Variants in GYPC observed in about 807,000 individuals in gnomAD.
GYPC encodes glycophorin-C.
Under a neutral mutation model 12.6 loss-of-function variants are expected in GYPC, and 14 were observed. The ratio of observed to expected loss-of-function variants is 1.11; its 90% confidence interval spans 0.74 to 1.74. The LOEUF (loss-of-function observed/expected upper bound fraction) is 1.74. GYPC is among the 40% of genes most tolerant of loss of function. The probability of loss-of-function intolerance (pLI) is 0.00; values close to 1 mark genes in which losing one functional copy is unlikely to be tolerated. For synonymous variants in GYPC, 78 were observed against 62.1 expected (o/e 1.26, Z -1.20); for missense variants, 225 against 172.1 (o/e 1.31, Z -1.72).
intron 1 of GYPC, chr2:126,678,868 CT>C (rs1303017316): frequency 6.6e-6 from 1 of 152,270 alleles, no homozygotes; most frequent in Non-Finnish European, 1.5e-5. Flanking sequence ...CCTGCCGCCC[CT>C]GCGGTCCTGC....
intron 1 of GYPC, among the ~76,000 whole-genome samples, chr2:126,662,014 C>G (rs556367982): frequency 6.6e-6 from 1 of 152,364 alleles, no homozygotes; most frequent in South Asian, 2.1e-4. Flanking sequence ...GGGCGCCTCA[C>G]ACCCGCTGCT....
Position 126,666,708 on chromosome 2 carries a change from TACACACACACACACACACACACAC to T in GYPC, c.49+10422_49+10445del, listed in dbSNP as rs67904410. Among the ~76,000 whole-genome samples the T allele has an allele frequency of 7.8e-4, 93 of 118,544 alleles. No individual in the cohort carries two copies. In the Middle Eastern group the frequency reaches 0.013, roughly 16 times the overall value. The allele number at this position is 118,544 out of a possible 152,430, so 77.8% of individuals were successfully genotyped here. A position where few individuals can be genotyped will look rare whatever the true frequency, so the allele number is the denominator to read the frequency against. ...CTCCTGCCCCCCTCCCCTCCCTCCC[TACACACACACACACACACACACAC>T]ACACACACACACACACACACACACA... On this transcript the variant is annotated intron_variant, in intron 1 of 3. Coordinates refer to ENST00000259254, the MANE Select transcript of GYPC (RefSeq NM_002101.5).
At position 126,696,136 on chromosome 2, in the gene GYPC, T is replaced by C. The variant is rs1246756447; in HGVS notation, c.381T>C (p.Phe127=). ...GTGATAGCAGCAGAAAGGAGTACTT[T>C]ATTTGAGGGACAACAGACTTCACTT... The part of the protein sequence containing the change: ...DAGDSSRKEY[F]I Residue 127 remains phenylalanine (F), a synonymous_variant, in exon 4 of 4, where the codon TTT becomes TTC. Transcript: ENST00000259254. The C allele has an allele frequency of 6.2e-7, 1 of 1,612,316 alleles. No homozygotes were observed. Among genetic ancestry groups the C allele is most frequent in the Non-Finnish European group, 8.5e-7 (1 of 1,178,520 alleles).
chr2:126,687,981 A>T (rs1045180541), intron 1 of GYPC, among the ~76,000 whole-genome samples: 2 of 152,210 alleles, frequency 1.3e-5, no homozygotes, highest in African/African-American at 4.8e-5. Context: ...CAGGGCTTCA[A>T]ATGATTGACT....
At chr2:126,669,053 T>C (rs905888390) in intron 1 of GYPC, among the ~76,000 whole-genome samples, 8 of 152,220 alleles carry the variant, frequency 5.3e-5, no homozygotes, top group African/African-American at 1.9e-4. Context: ...GGTGCTTTTC[T>C]AGCTAATAGG....
intron 1 of GYPC, among the ~76,000 whole-genome samples, chr2:126,677,478 C>A: frequency 8.1e-6 from 1 of 123,476 alleles, no homozygotes; most frequent in African/African-American, 3.7e-5. Flanking sequence ...TGTGTGTGAG[C>A]ACGTGTGAGT....
intron 3 of GYPC, among the ~76,000 whole-genome samples, chr2:126,694,846 A>C (rs896559361): frequency 6.6e-5 from 10 of 150,940 alleles, no homozygotes; most frequent in Admixed American, 6.6e-4. Flanking sequence ...GCCCAAACTC[A>C]AAACACCCCC....
intron 1 of GYPC, among the ~76,000 whole-genome samples, chr2:126,687,129 C>G (rs1409502021): frequency 6.6e-6 from 1 of 152,166 alleles, no homozygotes; most frequent in African/African-American, 2.4e-5. Context: ...AGCCTTGGAG[C>G]CGTGGATGGC....
intron 2 of GYPC, among the ~76,000 whole-genome samples, chr2:126,691,770 G>A (rs1360562398): frequency 6.6e-6 from 1 of 152,178 alleles, no homozygotes; most frequent in East Asian, 1.9e-4. Context: ...GCGATTGTTA[G>A]TTGTTTTAAA....
At chr2:126,667,402 T>G (rs902342363) in intron 1 of GYPC, among the ~76,000 whole-genome samples, 1 of 151,832 alleles carries the variant, frequency 6.6e-6, no homozygotes, top group African/African-American at 2.4e-5. Context: ...ATCTTTTTTT[T>G]TTCTTTTTTT....
intron 1 of GYPC, among the ~76,000 whole-genome samples, chr2:126,666,128 G>A (rs1017040634): frequency 5.9e-5 from 9 of 152,228 alleles, no homozygotes; most frequent in Non-Finnish European, 1.3e-4. Flanking sequence ...CAGCAGCTGC[G>A]AATGCAGTGC....
intron 1 of GYPC, among the ~76,000 whole-genome samples, chr2:126,687,556 G>A (rs1022790649): frequency 6.6e-6 from 1 of 152,226 alleles, no homozygotes; most frequent in Non-Finnish European, 1.5e-5. Context: ...GGGCTGAAAT[G>A]TCACTCCCCT....
At chr2:126,677,468 T>C (rs1683030211) in intron 1 of GYPC, among the ~76,000 whole-genome samples, 1 of 149,204 alleles carries the variant, frequency 6.7e-6, no homozygotes, top group Non-Finnish European at 1.5e-5. Context: ...TGTGACAGTG[T>C]GTGTGTGAGC....
intron 1 of GYPC, among the ~76,000 whole-genome samples, chr2:126,667,391 T>G (rs1212134413): frequency 6.6e-6 from 1 of 151,930 alleles, no homozygotes; most frequent in Non-Finnish European, 1.5e-5. Context: ...ATGATCTGGA[T>G]ATCTTTTTTT....
chr2:126,672,699 G>A (rs1236976732), intron 1 of GYPC, among the ~76,000 whole-genome samples: 1 of 152,102 alleles, frequency 6.6e-6, no homozygotes, highest in African/African-American at 2.4e-5. Context: ...CAGGGTGGAG[G>A]GGCTGGCCCA....
Position 126,674,198 on chromosome 2 carries a change from G to A in GYPC, c.50-16057G>A, listed in dbSNP as rs539646919. On this transcript the variant is annotated intron_variant, in intron 1 of 3. Transcript: ENST00000259254. ...CCAGGCCTGCCTCTGATAAGCCTCC[G>A]AGCGGGAGAAGCAGAACTGAGCCTC... Among the ~76,000 whole-genome samples, 28 of 152,304 alleles carry A rather than the reference G, an allele frequency of 1.8e-4. No individual in the cohort carries two copies. In the South Asian group the frequency reaches 3.9e-3, roughly 21 times the overall value.
At chr2:126,663,388 A>C (rs1682593437) in intron 1 of GYPC, among the ~76,000 whole-genome samples, 1 of 152,084 alleles carries the variant, frequency 6.6e-6, no homozygotes, top group East Asian at 1.9e-4. Context: ...AGCCCAGAAA[A>C]CACACGCAGG....
chr2:126,657,094 T>C (rs1216533681), intron 1 of GYPC, among the ~76,000 whole-genome samples: 1 of 152,266 alleles, frequency 6.6e-6, no homozygotes, highest in Non-Finnish European at 1.5e-5. Flanking sequence ...ACCCTGAGCC[T>C]ATCATGTGAC....
At chr2:126,656,340 T>C (rs750710988) in intron 1 of GYPC, 28 bp downstream of exon 1, 5 of 1,565,440 alleles carry the variant, frequency 3.2e-6, no homozygotes, top group Non-Finnish European at 1.7e-6. Flanking sequence ...GGAAGGGTCC[T>C]GGGGACCCAC....
Sources: allele counts gnomAD v4.1 joint callset (sites outside exome capture counted in the v4.1 genomes callset), GRCh38; gene constraint gnomAD v4.1.1; transcripts MANE v1.5; gene names NCBI Gene and HGNC (gene_info 2026-07-23, HGNC 2026-07-21).